The following TLE2 variants were observed in gnomAD, a reference collection of about 807,000 sequenced individuals.
The protein encoded by TLE2 is transducin-like enhancer protein 2.
TLE2 carries 74 observed loss-of-function variants against 97.2 expected under a neutral mutation model. That is an observed-to-expected ratio of 0.76 (90% confidence interval 0.63 to 0.92). The LOEUF is 0.92. Ranked by LOEUF, TLE2 falls within the 40% of genes least tolerant of loss-of-function variation. The pLI, the probability that TLE2 is intolerant of heterozygous loss-of-function variation, is 0.00. For synonymous variants in TLE2, 499 were observed against 432.1 expected (o/e 1.15, Z -1.92); for missense variants, 1,038 against 1,008.7 (o/e 1.03, Z -0.39).
At position 3,005,950 on chromosome 19, in the gene TLE2, G is replaced by A. The variant is rs1290850468; in HGVS notation, c.1519C>T (p.Arg507Cys). ...LDCLNRDNYI[R>C]SCKLLPDGRS... is the part of the protein sequence containing the mutation. ...CCATCCGGCAGCAACTTGCAGGAAC[G>A]AATGTAGTTGTCTCGGTTCTGGGGT... The change falls in exon 16 of 20, where the codon CGT (arginine) becomes TGT (cysteine). Residue 507 changes from arginine (R) to cysteine (C), a missense_variant. Physicochemically the swap from Arg to Cys is radical, Grantham distance 180 (BLOSUM62 -3). Coordinates refer to ENST00000262953, the MANE Select transcript of TLE2 (RefSeq NM_003260.5). 10 of 1,610,110 alleles carry A rather than the reference G, an allele frequency of 6.2e-6. No individual in the cohort carries two copies. Among genetic ancestry groups the A allele is most frequent in the Non-Finnish European group, 6.8e-6 (8 of 1,176,852 alleles).
chr19:3,004,510 G>A (rs1450873028), intron 17 of TLE2, among the ~76,000 whole-genome samples: 6 of 151,004 alleles, frequency 4.0e-5, no homozygotes, highest in African/African-American at 1.2e-4. Flanking sequence ...ATGGTGGTGC[G>A]TTCCTGTAGT....
chr19:3,007,044 C>T (rs868800168), intron 14 of TLE2, among the ~76,000 whole-genome samples: 4 of 151,922 alleles, frequency 2.6e-5, no homozygotes, highest in African/African-American at 4.8e-5. Flanking sequence ...CTCGGCCTCC[C>T]GAAGTGCTAG....
At chr19:3,043,365 T>C (rs1458931845) in intron 1 of TLE2, among the ~76,000 whole-genome samples, 2 of 94,818 alleles carry the variant, frequency 2.1e-5, no homozygotes, top group Non-Finnish European at 3.9e-5. Flanking sequence ...CTTCTGCAGC[T>C]TTTTTTTTTT....
At chr19:3,017,742 A>G (rs923594959) in intron 8 of TLE2, 98 bp downstream of exon 8, 42 of 1,198,670 alleles carry the variant, frequency 3.5e-5, no homozygotes, top group Non-Finnish European at 2.4e-6. Flanking sequence ...GTGAGCCACC[A>G]TGATCGACCT....
intron 1 of TLE2, among the ~76,000 whole-genome samples, chr19:3,039,354 G>T (rs565034643): frequency 6.6e-6 from 1 of 151,144 alleles, no homozygotes; most frequent in Admixed American, 6.6e-5. Context: ...GACTTCCATC[G>T]CCTCCCTCCT....
chr19:3,033,088 C>G (rs988545291), upstream of TLE2, among the ~76,000 whole-genome samples: 1 of 152,028 alleles, frequency 6.6e-6, no homozygotes, highest in Non-Finnish European at 1.5e-5. Flanking sequence ...TCTCGGCTCA[C>G]TGCAACCTCC....
intron 9 of TLE2, 61 bp from the exon 10 acceptor site, chr19:3,014,675 C>T (rs2089665522): frequency 6.8e-7 from 1 of 1,462,758 alleles, no homozygotes; most frequent in African/African-American, 1.4e-5. Flanking sequence ...CACCCCCTAT[C>T]CGCTCCTCAG....
intron 1 of TLE2, among the ~76,000 whole-genome samples, chr19:3,040,027 G>A (rs1275001984): frequency 6.6e-6 from 1 of 152,224 alleles, no homozygotes; most frequent in African/African-American, 2.4e-5. Flanking sequence ...GCGGCCCAGC[G>A]GGGACAATTT....
Position 2,997,789 on chromosome 19 carries a change from T to C in TLE2, c.*59A>G. On this transcript the variant is annotated 3_prime_UTR_variant, in exon 20 of 20. Transcript: ENST00000262953. ...TGGGAGGCGGCTGCTAGGATGTCTG[T>C]CCTGGCTGCTGATTCCCCTGGGAGT... is the stretch of plus-strand genomic sequence containing the variant. 7.7e-7 allele frequency: 1 copy of C among 1,303,894 alleles called. No individual in the cohort carries two copies. The highest frequency in any genetic ancestry group is 1.1e-6 in the Non-Finnish European group (1 of 919,196). The allele number at this position is 1,303,894 out of a possible 1,614,324, so 80.8% of individuals were successfully genotyped here.
At chr19:3,017,575 C>T (rs948310706) in intron 8 of TLE2, among the ~76,000 whole-genome samples, 4 of 151,764 alleles carry the variant, frequency 2.6e-5, no homozygotes, top group Non-Finnish European at 5.9e-5. Flanking sequence ...CTCAGGCTCC[C>T]GAGTAGCTGA....
At chr19:3,000,610 G>A (rs777006632) in intron 19 of TLE2, 37 bp downstream of exon 19, 21 of 1,550,806 alleles carry the variant, frequency 1.4e-5, no homozygotes, top group Non-Finnish European at 1.7e-5. Context: ...CCGGGCACAT[G>A]GCCCTGCCAG....
chr19:3,005,334 G>A, intron 17 of TLE2, 103 bp downstream of exon 17: 1 of 1,442,372 alleles, frequency 6.9e-7, no homozygotes, highest in East Asian at 2.4e-5. Flanking sequence ...GCAGATGGGA[G>A]TCCTGTCCTG....
rs774062563 is a variant in TLE2, at chr19:3,005,797, C to T, written c.1672G>A (p.Asp558Asn). The T allele has an allele frequency of 3.1e-6, 5 of 1,613,970 alleles. No individual in the cohort carries two copies. In the South Asian group the frequency reaches 4.4e-5, roughly 14 times the overall value. ...CAGCAGGAGAAGCAAACCTTGGCGT[C>T]GGGGCTGACGGCCAGGGCGTAGCAG... Reference protein sequence around the residue: ...PACYALAVSPDAKVCFSCCSD... With the variant: ...PACYALAVSPNAKVCFSCCSD... The change falls in exon 16 of 20, where the codon GAC becomes AAC. Residue 558 changes from aspartate to asparagine, a missense_variant. Asp to Asn is a conservative substitution (Grantham distance 23, BLOSUM62 1). Transcript: ENST00000262953.
chr19:3,041,315 C>T (rs2090101808), intron 1 of TLE2, among the ~76,000 whole-genome samples: 1 of 151,994 alleles, frequency 6.6e-6, no homozygotes, highest in Non-Finnish European at 1.5e-5. Context: ...GAGTGAGCCC[C>T]CGCGCCCAGC....
chr19:3,011,169 A>G lies in TLE2; in HGVS notation c.874-9T>C. The G allele has an allele frequency of 6.3e-7, 1 of 1,585,158 alleles. No individual in the cohort carries two copies. The highest frequency in any genetic ancestry group is 1.3e-5 in the African/African-American group (1 of 74,380). ...CTGGCGGGAAGGTCATTCTGCAGAG[A>G]AAGGGCAGGACTGAAGGCCACCAGG... On this transcript the variant is annotated splice_polypyrimidine_tract_variant and intron_variant, in intron 11 of 19. Coordinates refer to ENST00000262953, the MANE Select transcript of TLE2 (RefSeq NM_003260.5).
intron 8 of TLE2, among the ~76,000 whole-genome samples, chr19:3,017,278 C>A (rs2089729304): frequency 6.6e-6 from 1 of 151,852 alleles, no homozygotes; most frequent in African/African-American, 2.4e-5. Flanking sequence ...GCTGGGATTA[C>A]AGGCACCCGC....
At chr19:3,016,180 C>T (rs2089699192) in intron 8 of TLE2, among the ~76,000 whole-genome samples, 1 of 151,924 alleles carries the variant, frequency 6.6e-6, no homozygotes, top group Admixed American at 6.5e-5. Context: ...AGGTGATCCA[C>T]CTGCCTCGGC....
intron 1 of TLE2, among the ~76,000 whole-genome samples, chr19:3,035,547 G>A (rs1159964783): frequency 1.3e-5 from 2 of 151,650 alleles, no homozygotes; most frequent in African/African-American, 2.4e-5. Context: ...AAAAAAAAAA[G>A]GGAAAAAGCT....
intron 18 of TLE2, 91 bp downstream of exon 18, chr19:3,002,260 ATT>A: frequency 7.0e-7 from 1 of 1,424,440 alleles, no homozygotes; most frequent in Non-Finnish European, 9.3e-7. Flanking sequence ...TATAAATAAC[ATT>A]ATTTGTTATT....
Sources: allele counts gnomAD v4.1 joint callset (sites outside exome capture counted in the v4.1 genomes callset), GRCh38; gene constraint gnomAD v4.1.1; transcripts MANE v1.5; gene names NCBI Gene and HGNC (gene_info 2026-07-23, HGNC 2026-07-21).